The following TMEM269 variants were observed in gnomAD, a reference collection of about 807,000 sequenced individuals.
TMEM269 encodes transmembrane protein 269.
In TMEM269, 12 loss-of-function variants were observed where a neutral mutation model predicts 15.8. That is an observed-to-expected ratio of 0.76 (90% CI 0.49 to 1.23). TMEM269 has a LOEUF of 1.23. Ranked by LOEUF, TMEM269 falls within the 50% of genes most tolerant of loss-of-function variation. TMEM269 has a pLI of 0.00. For synonymous variants in TMEM269, 93 were observed against 99.3 expected (o/e 0.94, Z 0.38); for missense variants, 211 against 245.4 (o/e 0.86, Z 0.94).
At chr1:42,793,799 G>T (rs1396028255) in intron 4 of TMEM269, 55 bp downstream of exon 4, 2 of 1,510,874 alleles carry the variant, frequency 1.3e-6, no homozygotes, top group African/African-American at 2.8e-5. Context: ...CAGAACGGGG[G>T]GCTGTCGGGT....
rs1279352484 is a variant in TMEM269 at position 42,798,959 on chromosome 1, T to C, written c.*734T>C. On this transcript the variant is annotated 3_prime_UTR_variant, in exon 6 of 6. Coordinates refer to ENST00000637012, the MANE Select transcript of TMEM269 (RefSeq NM_001354602.2). ...GGGGGTTTCACCGTGTTAGCCAGGA[T>C]GGTCTCGATCTCCTGACCTCGTGAT... is the stretch of plus-strand genomic sequence containing the variant. 2 of 151,778 alleles carry C rather than the reference T, an allele frequency of 1.3e-5. No individual in the cohort carries two copies. Among genetic ancestry groups the C allele is most frequent in the African/African-American group, 4.8e-5 (2 of 41,288 alleles). 9.4% of individuals were successfully genotyped at this position (151,778 alleles called of 1,614,324 possible).
intron 1 of TMEM269, among the ~76,000 whole-genome samples, chr1:42,785,855 C>G (rs1177503220): frequency 6.6e-6 from 1 of 152,208 alleles, no homozygotes; most frequent in Non-Finnish European, 1.5e-5. Context: ...CCACCCCAGA[C>G]TTAGTCTCTC....
intron 1 of TMEM269, chr1:42,789,149 C>T: frequency 2.3e-6 from 1 of 428,546 alleles, no homozygotes; most frequent in Admixed American, 3.4e-5. Context: ...TCTCGAACTC[C>T]TGGCCTCAGA....
At chr1:42,786,482 G>C (rs940061742) in intron 1 of TMEM269, among the ~76,000 whole-genome samples, 3 of 152,238 alleles carry the variant, frequency 2.0e-5, no homozygotes, top group Non-Finnish European at 2.9e-5. Context: ...TCTGAGAAGG[G>C]TGGGGAGGAC....
chr1:42,786,328 G>A (rs970964800), intron 1 of TMEM269, among the ~76,000 whole-genome samples: 7 of 152,260 alleles, frequency 4.6e-5, no homozygotes, highest in South Asian at 2.1e-4. Flanking sequence ...CAGTGTAGGC[G>A]GTGCCCAAAC....
At chr1:42,789,435 G>T in intron 1 of TMEM269, 1 of 1,535,436 alleles carries the variant, frequency 6.5e-7, no homozygotes, top group Non-Finnish European at 8.7e-7. Context: ...CCTCTCAGAT[G>T]GGAGAAGGGC....
In TMEM269 at chr1:42,800,577, T is replaced by C. The variant is rs2124229824; in HGVS notation, c.*2352T>C. 6.6e-6 allele frequency: 1 copy of C among 152,284 alleles called. No homozygotes were observed. The highest frequency in any genetic ancestry group is 1.9e-4 in the East Asian group (1 of 5,182). The allele number at this position is 152,284 out of a possible 1,614,324, so 9.4% of individuals were successfully genotyped here. On this transcript the variant is annotated 3_prime_UTR_variant, in exon 6 of 6. Coordinates refer to ENST00000637012, the MANE Select transcript of TMEM269 (RefSeq NM_001354602.2). ...CTTCTTCCTAACCTGAAGTCCTACT[T>C]CTGTGTCTGATAAGCGGAATCAAGT...
intron 5 of TMEM269, among the ~76,000 whole-genome samples, chr1:42,794,903 G>T (rs1441907008): frequency 6.6e-6 from 1 of 152,144 alleles, no homozygotes; most frequent in African/African-American, 2.4e-5. Flanking sequence ...GTTCAATAGA[G>T]ATTTAGGAAG....
At position 42,797,986 on chromosome 1, in the gene TMEM269, G is replaced by T; in HGVS notation, c.485-112G>T. On this transcript the variant is annotated intron_variant, in intron 5 of 5. Transcript: ENST00000637012. This position sits in a 1 kb window ranked among gnomAD's most constrained non-coding sequence, Gnocchi z 4.9. Reference sequence around the variant, plus strand: ...CTGTCTCTTTCTGTTTGTTTCTTAGGCACTGTGGGTGAAAAGTAAAGAATG... The same window carrying T: ...CTGTCTCTTTCTGTTTGTTTCTTAGTCACTGTGGGTGAAAAGTAAAGAATG... 1 of 1,207,698 alleles carries T rather than the reference G, an allele frequency of 8.3e-7. No homozygotes were observed. The highest frequency in any genetic ancestry group is 1.2e-6 in the Non-Finnish European group (1 of 837,780). The allele number at this position is 1,207,698 out of a possible 1,614,324, so 74.8% of individuals were successfully genotyped here.
At chr1:42,789,424 A>C (rs2124212577) in intron 1 of TMEM269, 2 of 1,535,046 alleles carry the variant, frequency 1.3e-6, no homozygotes, top group Non-Finnish European at 1.7e-6. Context: ...ACAAGGGCCC[A>C]CCTCTCAGAT....
intron 1 of TMEM269, chr1:42,789,594 C>G: frequency 8.2e-7 from 1 of 1,224,862 alleles, no homozygotes; most frequent in Non-Finnish European, 1.2e-6. Context: ...TTGAGCTTTC[C>G]CAAGACGCTG....
chr1:42,790,513 T>A (rs1653665223), intron 2 of TMEM269, among the ~76,000 whole-genome samples: 1 of 152,104 alleles, frequency 6.6e-6, no homozygotes, highest in South Asian at 2.1e-4. Flanking sequence ...CAGCTGGAAA[T>A]TTTTGTGATT....
At chr1:42,789,611 C>T (rs752136078) in intron 1 of TMEM269, 185 bp from the exon 2 acceptor site, 81 of 1,072,254 alleles carry the variant, frequency 7.6e-5, no homozygotes, top group Non-Finnish European at 1.1e-4. Flanking sequence ...GCTGGATCCT[C>T]AGCACCTTTG....
chr1:42,791,257 T>A (rs1330328574), intron 2 of TMEM269, among the ~76,000 whole-genome samples: 1 of 152,182 alleles, frequency 6.6e-6, no homozygotes, highest in Non-Finnish European at 1.5e-5. Context: ...AAAATGGACA[T>A]CTATAGAGTA....
intron 3 of TMEM269, 40 bp downstream of exon 3, chr1:42,792,942 A>T: frequency 6.9e-7 from 1 of 1,454,450 alleles, no homozygotes; most frequent in African/African-American, 1.4e-5. Context: ...TGCCCCCAGT[A>T]GCATCCATCT....
chr1:42,798,119 C>T lies in TMEM269; in HGVS notation c.506C>T (p.Ser169Phe), dbSNP rs975044328. Reference sequence around the variant, plus strand: ...CCAGGTGTCATCATGCTGTTTTTCTCCCCATTGTCTCTGTCTGCTTTTTAC... The same window carrying T: ...CCAGGTGTCATCATGCTGTTTTTCTTCCCATTGTCTCTGTCTGCTTTTTAC... ...YIGGVIMLFF[S>F]PLSLSAFYCL... is the part of the protein sequence containing the mutation. Residue 169 changes from serine (S) to phenylalanine (F), a missense_variant, in exon 6 of 6, where the codon TCC becomes TTC. Coordinates refer to ENST00000637012, the MANE Select transcript of TMEM269 (RefSeq NM_001354602.2). 2.6e-6 allele frequency: 4 copies of T among 1,551,090 alleles called. No individual in the cohort carries two copies. The highest frequency in any genetic ancestry group is 2.4e-5 in the East Asian group (1 of 40,910).
intron 4 of TMEM269, 122 bp downstream of exon 4, chr1:42,793,866 C>G: frequency 8.4e-7 from 1 of 1,190,740 alleles, no homozygotes; most frequent in South Asian, 1.6e-5. Flanking sequence ...CTTCCTTCCT[C>G]CTTGCGTGCC....
chr1:42,787,648 G>A (rs568498015), intron 1 of TMEM269, among the ~76,000 whole-genome samples: 1 of 147,118 alleles, frequency 6.8e-6, no homozygotes, highest in South Asian at 2.2e-4. Flanking sequence ...ACCCTTGCCT[G>A]ACAGAGCTCA....
chr1:42,797,030 A>C lies in TMEM269; in HGVS notation c.485-1068A>C, dbSNP rs1653801218. 6.6e-6 allele frequency among the ~76,000 whole-genome samples: 1 copy of C among 152,146 alleles called. No homozygotes were observed. Among genetic ancestry groups the C allele is most frequent in the Non-Finnish European group, 1.5e-5 (1 of 68,040 alleles). ...TTACTTCTGTTTCTTCTTATGAAAA[A>C]CAGACTTAGTTCTAAACCACGGGAT... On this transcript the variant is annotated intron_variant, in intron 5 of 5. Transcript: ENST00000637012. The surrounding 1 kb of genome is among the most constrained non-coding windows in gnomAD (Gnocchi z 4.9).
Sources: allele counts gnomAD v4.1 joint callset (sites outside exome capture counted in the v4.1 genomes callset), GRCh38; gene constraint gnomAD v4.1.1; non-coding constraint Gnocchi (gnomAD v3.1); transcripts MANE v1.5; gene names NCBI Gene and HGNC (gene_info 2026-07-23, HGNC 2026-07-21).